TANC1: variants seen among roughly 807,000 people sequenced by gnomAD.
The protein encoded by TANC1 is protein TANC1.
Under a neutral mutation model 149.7 loss-of-function variants are expected in TANC1, and 77 were observed. The ratio of observed to expected loss-of-function variants is 0.51; its 90% CI spans 0.43 to 0.62. TANC1 has a LOEUF of 0.62. Ranked by LOEUF, TANC1 falls within the 20% of genes least tolerant of loss-of-function variation. TANC1 has a pLI of 0.00. For synonymous variants in TANC1, 854 were observed against 925.0 expected (o/e 0.92, Z 1.39); for missense variants, 1,985 against 2,321.8 (o/e 0.85, Z 2.98).
At chr2:159,119,631 C>T (rs557652847) in intron 4 of TANC1, among the ~76,000 whole-genome samples, 83 of 152,268 alleles carry the variant, frequency 5.5e-4, no homozygotes, top group Non-Finnish European at 9.1e-4. Context: ...TCTGTTTTGT[C>T]CTGAATGCTG....
rs79672338 is a variant in TANC1, at chr2:159,185,869, C to T, written c.2589C>T (p.Gly863=). 20,529 of 1,613,850 alleles carry T rather than the reference C, an allele frequency of 0.013. 173 individuals are homozygous for T. The highest frequency in any genetic ancestry group is 0.03 in the African/African-American group (2,245 of 75,012). The change falls in exon 15 of 27, where the codon GGC becomes GGT. Residue 863 remains glycine (G), a synonymous_variant. Coordinates refer to ENST00000263635, the MANE Select transcript of TANC1 (RefSeq NM_033394.3). ...KLNRQQTMEL[G]HHILKAHIFK... is the part of the protein sequence containing the mutation. Reference sequence around the variant, plus strand: ...ACCGCCAGCAGACCATGGAGCTTGGCCACCACATCCTGAAGGCGCACATTT... The same window carrying T: ...ACCGCCAGCAGACCATGGAGCTTGGTCACCACATCCTGAAGGCGCACATTT...
intron 3 of TANC1, among the ~76,000 whole-genome samples, chr2:159,073,159 T>G (rs954639134): frequency 2.6e-5 from 4 of 152,234 alleles, no homozygotes; most frequent in African/African-American, 4.8e-5. Flanking sequence ...AAATGTTATC[T>G]CAACACATCC....
chr2:159,060,969 CCT>C (rs537739467), intron 2 of TANC1, among the ~76,000 whole-genome samples: 226 of 152,260 alleles, frequency 1.5e-3, no homozygotes, highest in African/African-American at 5.2e-3. Flanking sequence ...AGAGGTTGTG[CCT>C]GTCCCCAAAG....
intron 1 of TANC1, among the ~76,000 whole-genome samples, chr2:158,976,602 T>C (rs1481413863): frequency 6.6e-6 from 1 of 152,228 alleles, no homozygotes; most frequent in Admixed American, 6.5e-5. Context: ...ATGTATGGGC[T>C]GAGCGCGGTG....
At chr2:159,157,288 C>A (rs1250809592) in intron 7 of TANC1, among the ~76,000 whole-genome samples, 2 of 152,106 alleles carry the variant, frequency 1.3e-5, no homozygotes, top group African/African-American at 4.8e-5. Flanking sequence ...CGCAGGTGAA[C>A]CAGGGACTTT....
intron 1 of TANC1, among the ~76,000 whole-genome samples, chr2:158,973,230 G>A (rs565626251): frequency 3.3e-5 from 5 of 152,230 alleles, no homozygotes; most frequent in Admixed American, 6.5e-5. Flanking sequence ...AGACAGATGC[G>A]AACCCATCAT....
chr2:158,982,997 T>C (rs1271332920), intron 1 of TANC1, among the ~76,000 whole-genome samples: 3 of 152,170 alleles, frequency 2.0e-5, no homozygotes, highest in Non-Finnish European at 4.4e-5. Flanking sequence ...GTTTTAAAAA[T>C]TGTGAATTTT....
chr2:159,179,168 G>T lies in TANC1; in HGVS notation c.2510+5G>T, dbSNP rs776832983. The stretch of plus-strand genomic sequence containing the variant: ...GGCCTTCCTGTGTGAGCCCAGGTAC[G>T]GCAGGCGCTTTCTTTCAGCTCTTTG... On this transcript the variant is annotated splice_donor_5th_base_variant and intron_variant, in intron 14 of 26. Coordinates refer to ENST00000263635, the MANE Select transcript of TANC1 (RefSeq NM_033394.3). 4 of 1,601,994 alleles carry T rather than the reference G, an allele frequency of 2.5e-6. No individual in the cohort carries two copies. The highest frequency in any genetic ancestry group is 3.4e-6 in the Non-Finnish European group (4 of 1,173,158).
chr2:159,058,392 T>C (rs2042003459), intron 2 of TANC1, among the ~76,000 whole-genome samples: 1 of 152,206 alleles, frequency 6.6e-6, no homozygotes, highest in Non-Finnish European at 1.5e-5. Flanking sequence ...TAGTCCAAAC[T>C]CCTTGTTGGA....
At chr2:159,196,840 C>A (rs760639756) in intron 18 of TANC1, 47 bp downstream of exon 18, 9 of 1,542,528 alleles carry the variant, frequency 5.8e-6, no homozygotes, top group African/African-American at 2.8e-5. Flanking sequence ...AAGCTGTAGC[C>A]CAGCAAGTCA....
intron 12 of TANC1, 111 bp downstream of exon 12, chr2:159,175,295 T>C: frequency 1.2e-6 from 1 of 827,978 alleles, no homozygotes; most frequent in Non-Finnish European, 2.0e-6. Flanking sequence ...AGGTGGAGCA[T>C]GGAGAGGATG....
chr2:159,163,647 T>G (rs2054279749), intron 8 of TANC1, 101 bp downstream of exon 8: 1 of 1,381,362 alleles, frequency 7.2e-7, no homozygotes, highest in Admixed American at 2.4e-5. Context: ...CAAGCCAGCT[T>G]CGTGGCCGTG....
intron 2 of TANC1, chr2:159,003,975 A>G: frequency 6.2e-7 from 1 of 1,612,564 alleles, no homozygotes; most frequent in South Asian, 1.1e-5. Flanking sequence ...AGTTCTCTAA[A>G]AAAAACTGGC....
chr2:159,009,538 AAAATGTTGATCTCATGGAAGTAG>A (rs1249673104), intron 2 of TANC1, among the ~76,000 whole-genome samples: 1 of 152,210 alleles, frequency 6.6e-6, no homozygotes, highest in Non-Finnish European at 1.5e-5. Context: ...GTGAAAACTA[AAAATGTTGATCTCATGGAAGTAG>A]AGAGTAGAAT....
chr2:159,055,316 A>G (rs1357833923), intron 2 of TANC1, among the ~76,000 whole-genome samples: 5 of 152,220 alleles, frequency 3.3e-5, no homozygotes, highest in Non-Finnish European at 5.9e-5. Flanking sequence ...TTTTAGCTGC[A>G]TGGCTACTGG....
At chr2:159,184,006 T>C (rs892233078) in intron 14 of TANC1, among the ~76,000 whole-genome samples, 1 of 152,184 alleles carries the variant, frequency 6.6e-6, no homozygotes, top group African/African-American at 2.4e-5. Context: ...TGTGAATGAA[T>C]GGAGGACTCA....
chr2:159,200,992 G>A (rs1310449827), intron 19 of TANC1, among the ~76,000 whole-genome samples: 1 of 152,032 alleles, frequency 6.6e-6, no homozygotes, highest in Non-Finnish European at 1.5e-5. Flanking sequence ...ATTTCATCAG[G>A]CAAGAGTTTA....
intron 2 of TANC1, chr2:159,056,124 A>G: frequency 3.7e-6 from 1 of 267,996 alleles, no homozygotes; most frequent in Non-Finnish European, 7.8e-6. Flanking sequence ...AGATGTGGGA[A>G]CTCATCCAGG....
intron 7 of TANC1, among the ~76,000 whole-genome samples, chr2:159,157,428 A>C (rs56399866): frequency 1.3e-5 from 2 of 152,164 alleles, no homozygotes; most frequent in Non-Finnish European, 2.9e-5. Flanking sequence ...TCCCTTACAC[A>C]CTTGGGAAAA....
Sources: gnomAD v4.1 joint callset for allele counts (sites outside exome capture counted in the v4.1 genomes callset) on GRCh38, gnomAD v4.1.1 for gene constraint, MANE v1.5 for transcripts, NCBI Gene and HGNC (gene_info 2026-07-23, HGNC 2026-07-21) for gene names.